The following COMMD1 variants were observed in gnomAD, a reference collection of about 807,000 sequenced individuals.
COMMD1 encodes the protein copper metabolism domain containing 1.
A neutral mutation model predicts 17.2 loss-of-function variants in COMMD1; 10 were observed. The observed-to-expected ratio is 0.58, with a 90% confidence interval of 0.36 to 0.99. The LOEUF is 0.99. Ranked by LOEUF, COMMD1 falls within the 50% of genes least tolerant of loss-of-function variation. The pLI is 0.01. For missense variants in COMMD1, 270 were observed against 231.8 expected, an observed-to-expected ratio of 1.17 and a Z score of -1.07; for synonymous variants, 97 against 91.6, an observed-to-expected ratio of 1.06 and a Z score of -0.34.
intron 1 of COMMD1, among the ~76,000 whole-genome samples, chr2:61,908,180 G>A (rs1271656824): frequency 6.6e-6 from 1 of 151,800 alleles, no homozygotes; most frequent in Non-Finnish European, 1.5e-5. Flanking sequence ...ACATAGGGCT[G>A]AAACCGTGGG....
At chr2:61,963,699 G>T (rs914059734) in intron 1 of COMMD1, among the ~76,000 whole-genome samples, 3 of 152,148 alleles carry the variant, frequency 2.0e-5, no homozygotes, top group Admixed American at 2.0e-4. Flanking sequence ...TGTGATTAGT[G>T]TCAGAAATGG....
At chr2:61,891,786 A>G (rs1360155985) in intron 1 of COMMD1, among the ~76,000 whole-genome samples, 1 of 151,752 alleles carries the variant, frequency 6.6e-6, no homozygotes, top group African/African-American at 2.4e-5. Context: ...CACTGTTGCT[A>G]ATGAAGGGTA....
Position 62,096,148 on chromosome 2 carries a change from A to G in COMMD1, c.463-39683A>G, listed in dbSNP as rs543898210. On this transcript the variant is annotated intron_variant, in intron 2 of 2. Transcript: ENST00000311832. ...GTCATTCCTACATTTTAAGAAAGCTATGTAAGTATTTTGCTTTTATGACAT... is the reference window on the plus strand; with the variant it reads ...GTCATTCCTACATTTTAAGAAAGCTGTGTAAGTATTTTGCTTTTATGACAT... Among the ~76,000 whole-genome samples the G allele has an allele frequency of 9.9e-5, 15 of 152,230 alleles. No homozygotes were observed. In the East Asian group the frequency reaches 2.9e-3, roughly 29 times the overall value.
intron 2 of COMMD1, among the ~76,000 whole-genome samples, chr2:62,014,601 A>T (rs1163075241): frequency 9.6e-6 from 1 of 104,002 alleles, no homozygotes; most frequent in East Asian, 3.3e-4. Context: ...TTGCTCTGTC[A>T]CCCAGGCTGG....
Position 62,000,879 on chromosome 2 carries a change from G to T in COMMD1, c.359G>T (p.Arg120Leu). 6.2e-7 allele frequency: 1 copy of T among 1,614,128 alleles called. No individual in the cohort carries two copies. The highest frequency in any genetic ancestry group is 1.7e-5 in the Admixed American group (1 of 59,996). Reference protein sequence around the residue: ...MNQSRWNSGLRGLSWRVDGKS... With the variant: ...MNQSRWNSGLLGLSWRVDGKS... ...CAGAGCCGCTGGAATAGCGGGCTTC[G>T]GGGCCTGAGCTGGAGAGTTGATGGC... is the stretch of plus-strand genomic sequence containing the variant. Residue 120 changes from arginine (R) to leucine (L), a missense_variant, in exon 2 of 3, where the codon CGG (arginine) becomes CTG (leucine). Arg to Leu is a moderately radical substitution (Grantham distance 102). Transcript: ENST00000311832.
chr2:61,951,221 C>G (rs116592007), intron 1 of COMMD1, among the ~76,000 whole-genome samples: 1 of 151,954 alleles, frequency 6.6e-6, no homozygotes, highest in Non-Finnish European at 1.5e-5. Flanking sequence ...CCCAGCACTT[C>G]GGGAGGTGGA....
intron 2 of COMMD1, among the ~76,000 whole-genome samples, chr2:62,088,473 G>A (rs977921677): frequency 5.3e-5 from 8 of 152,140 alleles, no homozygotes; most frequent in Admixed American, 2.0e-4. Context: ...ATGGCATTGC[G>A]ATCAAACTTA....
intron 1 of COMMD1, among the ~76,000 whole-genome samples, chr2:61,958,154 T>C (rs191266166): frequency 2.2e-3 from 339 of 152,294 alleles, no homozygotes; most frequent in Non-Finnish European, 3.9e-3. Context: ...CTTTTAGTTA[T>C]TTTTCCTGAT....
chr2:62,080,727 C>A (rs1671491048), intron 2 of COMMD1, among the ~76,000 whole-genome samples: 1 of 151,672 alleles, frequency 6.6e-6, no homozygotes, highest in Non-Finnish European at 1.5e-5. Flanking sequence ...TCTTTGACAT[C>A]ATTTCTCCTG....
chr2:61,969,597 T>A (rs1268439298), intron 1 of COMMD1, among the ~76,000 whole-genome samples: 7 of 152,218 alleles, frequency 4.6e-5, no homozygotes, highest in Non-Finnish European at 1.0e-4. Context: ...GTAATTGAAC[T>A]GTTGTTAGTT....
At chr2:62,041,622 C>T (rs1438049023) in intron 2 of COMMD1, among the ~76,000 whole-genome samples, 1 of 152,168 alleles carries the variant, frequency 6.6e-6, no homozygotes, top group African/African-American at 2.4e-5. Flanking sequence ...AGCTCCTGAG[C>T]TCAAGCCATC....
chr2:62,046,731 T>A (rs2103908669), intron 2 of COMMD1, among the ~76,000 whole-genome samples: 1 of 152,356 alleles, frequency 6.6e-6, no homozygotes, highest in South Asian at 2.1e-4. Flanking sequence ...AAAGAACAGA[T>A]GCATTTCTTT....
chr2:62,066,539 C>T (rs1370839324), intron 2 of COMMD1, among the ~76,000 whole-genome samples: 1 of 148,402 alleles, frequency 6.7e-6, no homozygotes, highest in Non-Finnish European at 1.5e-5. Context: ...AGGTTCATGA[C>T]TACAGGTGGC....
At chr2:62,106,080 T>C (rs541788887) in intron 2 of COMMD1, among the ~76,000 whole-genome samples, 2 of 152,298 alleles carry the variant, frequency 1.3e-5, no homozygotes, top group Admixed American at 1.3e-4. Context: ...ACGTCCAGCC[T>C]CAAAATCCTG....
At chr2:61,901,508 A>C (rs1165815729), upstream of COMMD1, among the ~76,000 whole-genome samples, 1 of 151,944 alleles carries the variant, frequency 6.6e-6, no homozygotes, top group Non-Finnish European at 1.5e-5. Context: ...ATGTAATCCC[A>C]GTTACTAGGG....
intron 1 of COMMD1, among the ~76,000 whole-genome samples, chr2:61,954,689 T>C (rs74967853): frequency 4.7e-5 from 7 of 148,514 alleles, no homozygotes; most frequent in South Asian, 2.1e-4. Flanking sequence ...CTCTCTCTCT[T>C]TTTTTTTTTT....
At chr2:61,890,826 CAAAAAA>C (rs59877732) in intron 1 of COMMD1, among the ~76,000 whole-genome samples, 9 of 98,988 alleles carry the variant, frequency 9.1e-5, no homozygotes, top group South Asian at 3.4e-4. Flanking sequence ...GACTTTGTCT[CAAAAAA>C]AAAAAAAAAA....
Position 62,095,953 on chromosome 2 carries a change from A to G in COMMD1, c.463-39878A>G, listed in dbSNP as rs72803341. 7.1e-3 allele frequency among the ~76,000 whole-genome samples: 1,070 copies of G among 150,166 alleles called. 8 individuals are homozygous for G. Among genetic ancestry groups the G allele is most frequent in the Admixed American group, 0.012 (185 of 15,038 alleles). ...TATGTATACATATATGTGTGTGTAT[A>G]TAAAAATCTGGGTTATATATACACA... On this transcript the variant is annotated intron_variant, in intron 2 of 2. Transcript: ENST00000311832.
intron 1 of COMMD1, among the ~76,000 whole-genome samples, chr2:61,931,781 T>C (rs1328171135): frequency 6.6e-6 from 1 of 152,204 alleles, no homozygotes; most frequent in Non-Finnish European, 1.5e-5. Context: ...TCACAAATTA[T>C]GGTATATCAG....
Sources: allele counts gnomAD v4.1 joint callset (sites outside exome capture counted in the v4.1 genomes callset), GRCh38; gene constraint gnomAD v4.1.1; transcripts MANE v1.5; gene names NCBI Gene and HGNC (gene_info 2026-07-23, HGNC 2026-07-21).